Variants in TMEFF2 observed in about 807,000 individuals in gnomAD.
TMEFF2 encodes transmembrane protein with EGF like and two follistatin like domains 2, also known as tomoregulin-2.
TMEFF2 carries 28 observed loss-of-function variants against 53.8 expected under a neutral mutation model. The ratio of observed to expected loss-of-function variants is 0.52; its 90% CI spans 0.39 to 0.71. The LOEUF is 0.71. Among genes scored for constraint, TMEFF2 ranks in the 30% least tolerant of loss-of-function variants. The pLI, the probability that TMEFF2 is intolerant of heterozygous loss-of-function variation, is 0.00. For missense variants in TMEFF2, 353 were observed against 455.2 expected (o/e 0.78, Z 2.04); for synonymous variants, 162 against 166.3 (o/e 0.97, Z 0.20).
intron 5 of TMEFF2, among the ~76,000 whole-genome samples, chr2:192,007,225 G>A (rs772682368): frequency 6.6e-6 from 1 of 152,162 alleles, no homozygotes; most frequent in Non-Finnish European, 1.5e-5. Context: ...TGTGTTTGGT[G>A]TCAGATGAGA....
intron 5 of TMEFF2, among the ~76,000 whole-genome samples, chr2:192,022,905 T>C (rs1277127504): frequency 6.6e-6 from 1 of 152,194 alleles, no homozygotes; most frequent in Non-Finnish European, 1.5e-5. Flanking sequence ...ACAATAAGCT[T>C]ATGAAGTAAG....
chr2:192,119,689 C>A (rs899755990), intron 4 of TMEFF2, among the ~76,000 whole-genome samples: 1 of 152,162 alleles, frequency 6.6e-6, no homozygotes, highest in African/African-American at 2.4e-5. Flanking sequence ...ATGGAGGTTT[C>A]ATTTCCTGCT....
At chr2:192,165,660 C>T (rs1327065369) in intron 4 of TMEFF2, among the ~76,000 whole-genome samples, 1 of 151,912 alleles carries the variant, frequency 6.6e-6, no homozygotes, top group Admixed American at 6.6e-5. Context: ...AGTACTTTCC[C>T]ATCCACTCCC....
chr2:192,185,413 T>C (rs1206753817), intron 2 of TMEFF2, among the ~76,000 whole-genome samples: 1 of 152,062 alleles, frequency 6.6e-6, no homozygotes, highest in Non-Finnish European at 1.5e-5. Context: ...TGATCAAGAT[T>C]ATTATCTGTA....
At chr2:192,123,445 AAT>A (rs1428733223) in intron 4 of TMEFF2, among the ~76,000 whole-genome samples, 1 of 152,216 alleles carries the variant, frequency 6.6e-6, no homozygotes, top group Non-Finnish European at 1.5e-5. Flanking sequence ...TGAAGTTAAA[AAT>A]ATGATTTGTA....
rs183411564 is a variant in TMEFF2, at chr2:192,015,775, G to A, written c.537-16567C>T. ...TCATATTGTGGAAAGTGGAACCAGAGCTGTCAGGTTACTTAAGAGACTAGG... is the reference window on the plus strand; with the variant it reads ...TCATATTGTGGAAAGTGGAACCAGAACTGTCAGGTTACTTAAGAGACTAGG... On this transcript the variant is annotated intron_variant, in intron 5 of 9. Coordinates refer to ENST00000272771, the MANE Select transcript of TMEFF2 (RefSeq NM_016192.4). Among the ~76,000 whole-genome samples, 4 of 152,254 alleles carry A rather than the reference G, an allele frequency of 2.6e-5. No homozygotes were observed. In the East Asian group the frequency reaches 7.7e-4, roughly 29 times the overall value.
chr2:192,017,600 T>G (rs1258337119), intron 5 of TMEFF2, among the ~76,000 whole-genome samples: 1 of 152,230 alleles, frequency 6.6e-6, no homozygotes, highest in Non-Finnish European at 1.5e-5. Flanking sequence ...TTCCCCCTTC[T>G]CAGCCTGTTT....
chr2:192,168,325 C>T (rs907496899), intron 4 of TMEFF2, among the ~76,000 whole-genome samples: 1 of 151,692 alleles, frequency 6.6e-6, no homozygotes, highest in African/African-American at 2.4e-5. Flanking sequence ...AAAGACAGTC[C>T]CCTGCCACCC....
intron 5 of TMEFF2, among the ~76,000 whole-genome samples, chr2:192,024,615 C>T (rs1225311251): frequency 2.6e-5 from 4 of 152,266 alleles, no homozygotes; most frequent in East Asian, 1.9e-4. Context: ...AATATATACT[C>T]GCGGAGTACA....
At chr2:192,099,782 CT>C (rs60634556) in intron 4 of TMEFF2, among the ~76,000 whole-genome samples, 4,094 of 143,536 alleles carry the variant, frequency 0.029, 192 homozygotes, top group African/African-American at 0.093. Context: ...GATGGGATTG[CT>C]TTTTTTTTTT....
At chr2:191,978,828 A>AT (rs1685791981) in intron 7 of TMEFF2, among the ~76,000 whole-genome samples, 2 of 152,076 alleles carry the variant, frequency 1.3e-5, no homozygotes, top group African/African-American at 2.4e-5. Flanking sequence ...ATTTATTAAG[A>AT]TTTTTTTCTT....
chr2:192,137,682 T>C (rs1460401161), intron 4 of TMEFF2, among the ~76,000 whole-genome samples: 1 of 151,836 alleles, frequency 6.6e-6, no homozygotes, highest in South Asian at 2.1e-4. Flanking sequence ...AGTCAGACTA[T>C]AGGAAAGGCC....
At chr2:192,163,807 G>A (rs1030317936) in intron 4 of TMEFF2, among the ~76,000 whole-genome samples, 2 of 152,290 alleles carry the variant, frequency 1.3e-5, no homozygotes, top group African/African-American at 2.4e-5. Flanking sequence ...AGAACTTGGC[G>A]AGTGCTAAAT....
intron 4 of TMEFF2, among the ~76,000 whole-genome samples, chr2:192,130,038 T>C (rs1689776788): frequency 6.6e-6 from 1 of 152,224 alleles, no homozygotes; most frequent in Non-Finnish European, 1.5e-5. Context: ...TTAGATTGTA[T>C]TGCACTGTGA....
chr2:192,022,598 C>A (rs1686881867), intron 5 of TMEFF2, among the ~76,000 whole-genome samples: 1 of 152,052 alleles, frequency 6.6e-6, no homozygotes, highest in African/African-American at 2.4e-5. Context: ...TTTCTTTGTA[C>A]CTGGATATTT....
intron 4 of TMEFF2, among the ~76,000 whole-genome samples, chr2:192,147,574 T>C (rs1690284804): frequency 6.6e-6 from 1 of 150,878 alleles, no homozygotes; most frequent in African/African-American, 2.4e-5. Flanking sequence ...AGTGAGAACA[T>C]GCAGTGTTTG....
chr2:192,144,481 T>A (rs934947193), intron 4 of TMEFF2, among the ~76,000 whole-genome samples: 1 of 152,104 alleles, frequency 6.6e-6, no homozygotes, highest in African/African-American at 2.4e-5. Flanking sequence ...ATAGGAGCCA[T>A]CTTTAGCAAT....
At chr2:192,049,153 ATG>A (rs56231804) in intron 5 of TMEFF2, among the ~76,000 whole-genome samples, 2 of 151,468 alleles carry the variant, frequency 1.3e-5, no homozygotes, top group African/African-American at 4.9e-5. Flanking sequence ...CATTTGGTCT[ATG>A]TGTGTGTGTG....
At chr2:191,992,677 AT>A (rs1197098387) in intron 7 of TMEFF2, 1 of 151,992 alleles carries the variant, frequency 6.6e-6, no homozygotes, top group Non-Finnish European at 1.5e-5. Context: ...GTTTATTTTT[AT>A]TTTTTTATTA....
Sources: gnomAD v4.1 joint callset for allele counts (sites outside exome capture counted in the v4.1 genomes callset) on GRCh38, gnomAD v4.1.1 for gene constraint, MANE v1.5 for transcripts, NCBI Gene and HGNC (gene_info 2026-07-23, HGNC 2026-07-21) for gene names.